ZFHX3: variants seen among roughly 807,000 people sequenced by gnomAD.
ZFHX3 encodes zinc finger homeobox 3.
Under a neutral mutation model 279.1 loss-of-function variants are expected in ZFHX3, and 42 were observed. The observed-to-expected ratio is 0.15, with a 90% CI of 0.12 to 0.19. The LOEUF (loss-of-function observed/expected upper bound fraction) is 0.19, where lower values mean the gene tolerates loss of function less well. Among genes scored for constraint, ZFHX3 ranks in the 10% least tolerant of loss-of-function variants. The pLI is 1.00. For synonymous variants in ZFHX3, 2,293 were observed against 1,957.8 expected (o/e 1.17, Z -4.52); for missense variants, 4,981 against 4,754.0 (o/e 1.05, Z -1.40).
chr16:73,146,151 C>T (rs1390772455), intron 5 of ZFHX3, among the ~76,000 whole-genome samples: 4 of 152,050 alleles, frequency 2.6e-5, no homozygotes, highest in African/African-American at 4.8e-5. Flanking sequence ...TGATCTGGGC[C>T]GGGTGCGGTG....
chr16:73,080,816 A>C (rs1361452852), intron 8 of ZFHX3, among the ~76,000 whole-genome samples: 3 of 152,090 alleles, frequency 2.0e-5, no homozygotes, highest in Non-Finnish European at 4.4e-5. Flanking sequence ...CCTGGCCTCA[A>C]GCAATCCTCC....
chr16:73,505,863 G>A (rs1372933799), intron 2 of ZFHX3, among the ~76,000 whole-genome samples: 1 of 152,248 alleles, frequency 6.6e-6, no homozygotes, highest in Non-Finnish European at 1.5e-5. Flanking sequence ...ATAGGCTCAT[G>A]AGAGCAGAAT....
At chr16:73,650,125 T>C (rs2052656845) in intron 2 of ZFHX3, among the ~76,000 whole-genome samples, 1 of 152,154 alleles carries the variant, frequency 6.6e-6, no homozygotes, top group South Asian at 2.1e-4. Flanking sequence ...ATATACCTTC[T>C]GTCCATAACT....
chr16:72,867,774 A>G (rs762677502), intron 4 of ZFHX3, among the ~76,000 whole-genome samples: 11 of 151,738 alleles, frequency 7.2e-5, no homozygotes, highest in Non-Finnish European at 1.2e-4. Flanking sequence ...CCCAGGCACT[A>G]TTTTCTTAAG....
At chr16:73,091,070 G>A (rs1055015218) in intron 8 of ZFHX3, among the ~76,000 whole-genome samples, 5 of 151,934 alleles carry the variant, frequency 3.3e-5, no homozygotes, top group African/African-American at 1.2e-4. Flanking sequence ...AATTAACCAG[G>A]CATGGTGGCG....
At chr16:73,685,930 G>A (rs28734502) in intron 1 of ZFHX3, among the ~76,000 whole-genome samples, 3 of 152,102 alleles carry the variant, frequency 2.0e-5, no homozygotes, top group Admixed American at 2.0e-4. Context: ...TCTCGGAAGT[G>A]TGGGATGTTA....
Position 72,787,329 on chromosome 16 carries a change from T to G in ZFHX3, c.10947A>C (p.Ser3649=). 6.2e-7 allele frequency: 1 copy of G among 1,613,936 alleles called. No homozygotes were observed. The highest frequency in any genetic ancestry group is 8.5e-7 in the Non-Finnish European group (1 of 1,179,970). The change falls in exon 10 of 10, where the codon TCA becomes TCC. Residue 3649 remains serine, a synonymous_variant. Coordinates refer to ENST00000268489, the MANE Select transcript of ZFHX3 (RefSeq NM_006885.4). ...CTGTTGGCATCGAGGGCTGAACCCC[T>G]GAGGTGCTGCATGAACTTGAGGTAA... The part of the protein sequence containing the change: ...STVTSSSCST[S]GVQPSMPTDD...
chr16:73,307,407 A>C (rs1254004164), intron 4 of ZFHX3, among the ~76,000 whole-genome samples: 1 of 152,228 alleles, frequency 6.6e-6, no homozygotes, highest in Non-Finnish European at 1.5e-5. Flanking sequence ...GTGAGCACTG[A>C]AGGTTGTTGG....
chr16:73,474,899 C>T (rs2018738614), intron 2 of ZFHX3, among the ~76,000 whole-genome samples: 1 of 152,172 alleles, frequency 6.6e-6, no homozygotes, highest in East Asian at 1.9e-4. Context: ...ATTGACAGTA[C>T]TGTCTCTCTA....
chr16:73,553,763 C>T (rs114372591), intron 2 of ZFHX3, among the ~76,000 whole-genome samples: 2 of 152,200 alleles, frequency 1.3e-5, no homozygotes, highest in Admixed American at 6.6e-5. Context: ...TCCAGGTCTG[C>T]CTCCAAGTGT....
intron 1 of ZFHX3, among the ~76,000 whole-genome samples, chr16:72,982,940 C>T (rs1027220029): frequency 3.3e-5 from 5 of 152,282 alleles, no homozygotes; most frequent in African/African-American, 1.2e-4. Flanking sequence ...CTCATGTCAA[C>T]GCAGAGTTCA....
At chr16:73,526,058 C>T (rs530041014) in intron 2 of ZFHX3, among the ~76,000 whole-genome samples, 13 of 152,294 alleles carry the variant, frequency 8.5e-5, no homozygotes, top group East Asian at 3.9e-4. Context: ...AAGATGAGGA[C>T]GTGCAGGAAG....
intron 3 of ZFHX3, among the ~76,000 whole-genome samples, chr16:73,413,193 A>C (rs1429533064): frequency 1.3e-5 from 2 of 152,224 alleles, no homozygotes; most frequent in African/African-American, 4.8e-5. Context: ...ATGAAAGTGA[A>C]AAAATAGGTA....
Position 73,881,492 on chromosome 16 carries a change from C to A in ZFHX3, c.-1608+10159G>T, listed in dbSNP as rs866729639. 2.7e-3 allele frequency among the ~76,000 whole-genome samples: 257 copies of A among 93,674 alleles called. 4 individuals carry two copies. The highest frequency in any genetic ancestry group is 5.7e-3 in the African/African-American group (159 of 27,674). The allele number at this position is 93,674 out of a possible 152,430, so 61.5% of individuals were successfully genotyped here. A position where few individuals can be genotyped will look rare whatever the true frequency, so the allele number is the denominator to read the frequency against. On this transcript the variant is annotated intron_variant, in intron 1 of 17. Coordinates refer to the ZFHX3 transcript ENST00000641206. ...TCTCTCTCTCTCTGCCCCCCCCCCC[C>A]ACTCTGCCCATGGTTACTGCTACTC... is the stretch of plus-strand genomic sequence containing the variant.
intron 3 of ZFHX3, among the ~76,000 whole-genome samples, chr16:73,453,283 T>C (rs2018310642): frequency 1.3e-5 from 2 of 152,258 alleles, no homozygotes; most frequent in South Asian, 2.1e-4. Context: ...TAGAGTCTAC[T>C]GTTCCATCCC....
chr16:73,817,138 C>G (rs1476674957), intron 1 of ZFHX3, among the ~76,000 whole-genome samples: 1 of 152,184 alleles, frequency 6.6e-6, no homozygotes, highest in Non-Finnish European at 1.5e-5. Flanking sequence ...GGTGACCACA[C>G]AGCTGACCAC....
intron 5 of ZFHX3, among the ~76,000 whole-genome samples, chr16:73,180,122 T>C (rs1309049896): frequency 6.6e-6 from 1 of 152,208 alleles, no homozygotes; most frequent in Non-Finnish European, 1.5e-5. Context: ...CTGCAGGGAC[T>C]GAGCCCAGCC....
intron 1 of ZFHX3, among the ~76,000 whole-genome samples, chr16:73,743,868 G>C (rs1440109737): frequency 6.6e-6 from 1 of 152,128 alleles, no homozygotes; most frequent in African/African-American, 2.4e-5. Context: ...GGGGCGCCAT[G>C]CATCTAGACC....
At chr16:73,784,796 A>AATATATATAT (rs1555501447) in intron 1 of ZFHX3, among the ~76,000 whole-genome samples, 5 of 131,080 alleles carry the variant, frequency 3.8e-5, no homozygotes, top group Non-Finnish European at 7.9e-5. Flanking sequence ...TAAAAAAAAA[A>AATATATATAT]ATATATATAT....
Sources: gnomAD v4.1 joint callset for allele counts (sites outside exome capture counted in the v4.1 genomes callset) on GRCh38, gnomAD v4.1.1 for gene constraint, MANE v1.5 for transcripts, NCBI Gene and HGNC (gene_info 2026-07-23, HGNC 2026-07-21) for gene names.